The following NBAS variants were observed in gnomAD, a reference collection of about 807,000 sequenced individuals.
The protein encoded by NBAS is NAG/BC035112 fusion.
NBAS carries 219 observed loss-of-function variants against 302.5 expected under a neutral mutation model. The observed-to-expected ratio is 0.72, with a 90% confidence interval of 0.65 to 0.81. The LOEUF (loss-of-function observed/expected upper bound fraction) is 0.81, where lower values mean the gene tolerates loss of function less well. Ranked by LOEUF, NBAS falls within the 30% of genes least tolerant of loss-of-function variation. The probability of loss-of-function intolerance (pLI) is 0.00; values close to 1 mark genes in which losing one functional copy is unlikely to be tolerated. For missense variants in NBAS, 2,932 were observed against 2,841.6 expected, an observed-to-expected ratio of 1.03 and a Z score of -0.72; for synonymous variants, 1,118 against 1,021.6, an observed-to-expected ratio of 1.09 and a Z score of -1.80.
chr2:14,972,635 A>G, the NBAS span, among the ~76,000 whole-genome samples: 3 of 152,206 alleles, frequency 2.0e-5, no homozygotes, highest in Non-Finnish European at 4.4e-5. Flanking sequence ...ACGACTTTCT[A>G]AGGTCACCAA....
At chr2:15,440,275 A>G (rs1038494322) in intron 21 of NBAS, among the ~76,000 whole-genome samples, 7 of 152,192 alleles carry the variant, frequency 4.6e-5, no homozygotes, top group Non-Finnish European at 1.0e-4. Context: ...GGGCAGACTG[A>G]CACTTCACAC....
At chr2:15,302,480 ACT>A (rs1214864053) in intron 40 of NBAS, among the ~76,000 whole-genome samples, 2 of 151,964 alleles carry the variant, frequency 1.3e-5, no homozygotes, top group African/African-American at 4.8e-5. Context: ...TCAAGCAATG[ACT>A]CTGAACAGCG....
At chr2:14,793,992 A>C in the NBAS span, among the ~76,000 whole-genome samples, 154 of 152,318 alleles carry the variant, frequency 1.0e-3, no homozygotes, top group African/African-American at 3.4e-3. Flanking sequence ...AAACATTCTC[A>C]GATAAAGGAA....
the NBAS span, among the ~76,000 whole-genome samples, chr2:15,056,485 A>T: frequency 6.6e-6 from 1 of 152,270 alleles, no homozygotes; most frequent in Non-Finnish European, 1.5e-5. Flanking sequence ...ATGTGGACTC[A>T]TATGAGACTC....
chr2:15,374,321 C>CT (rs1287058459), intron 31 of NBAS, among the ~76,000 whole-genome samples: 1 of 152,078 alleles, frequency 6.6e-6, no homozygotes, highest in Non-Finnish European at 1.5e-5. Flanking sequence ...TCCCCAATAT[C>CT]TTTTTTTGTT....
chr2:15,150,546 G>A, the NBAS span, among the ~76,000 whole-genome samples: 12 of 152,272 alleles, frequency 7.9e-5, no homozygotes, highest in African/African-American at 2.6e-4. Context: ...TTGGACTCAC[G>A]GAGAGTCTGG....
chr2:14,938,330 C>A, the NBAS span, among the ~76,000 whole-genome samples: 4 of 151,968 alleles, frequency 2.6e-5, no homozygotes, highest in Non-Finnish European at 5.9e-5. Context: ...TTATAAATCA[C>A]CCCCATATTC....
chr2:15,356,047 A>T (rs375348138), intron 33 of NBAS, among the ~76,000 whole-genome samples: 3 of 152,256 alleles, frequency 2.0e-5, no homozygotes, highest in African/African-American at 7.2e-5. Flanking sequence ...AATTATTTTT[A>T]AATTACGAGC....
intron 21 of NBAS, among the ~76,000 whole-genome samples, chr2:15,440,464 A>C (rs1289801845): frequency 6.6e-6 from 1 of 152,216 alleles, no homozygotes; most frequent in East Asian, 1.9e-4. Context: ...TGTTAGAAGG[A>C]AAACTAACAA....
the NBAS span, among the ~76,000 whole-genome samples, chr2:15,031,930 T>C: frequency 2.0e-5 from 3 of 152,134 alleles, no homozygotes; most frequent in East Asian, 5.8e-4. Flanking sequence ...TGTAGAAGTG[T>C]AGAAGTGTGC....
chr2:14,838,235 A>G, the NBAS span, among the ~76,000 whole-genome samples: 6 of 151,848 alleles, frequency 4.0e-5, no homozygotes, highest in African/African-American at 1.4e-4. Context: ...TCTCATTCTA[A>G]AATGCTCTTT....
At chr2:14,962,095 C>T in the NBAS span, among the ~76,000 whole-genome samples, 1 of 152,084 alleles carries the variant, frequency 6.6e-6, no homozygotes. Flanking sequence ...TTTTCTATAT[C>T]GTCCCAAAAC....
At chr2:15,338,710 C>CACACAT (rs1454097551) in intron 35 of NBAS, among the ~76,000 whole-genome samples, 5 of 148,746 alleles carry the variant, frequency 3.4e-5, no homozygotes, top group South Asian at 4.2e-4. Flanking sequence ...CACACACACA[C>CACACAT]ATCAAATTAG....
chr2:15,355,487 C>T (rs761520876), intron 33 of NBAS, among the ~76,000 whole-genome samples: 3 of 152,110 alleles, frequency 2.0e-5, no homozygotes, highest in Non-Finnish European at 4.4e-5. Context: ...TTCTCAACAT[C>T]GGTTTGAAAA....
chr2:14,962,247 C>A, the NBAS span, among the ~76,000 whole-genome samples: 1 of 152,146 alleles, frequency 6.6e-6, no homozygotes, highest in Non-Finnish European at 1.5e-5. Flanking sequence ...CTGTCTGGGA[C>A]ATGGGAGATT....
chr2:15,105,683 C>T, the NBAS span, among the ~76,000 whole-genome samples: 1,709 of 152,134 alleles, frequency 0.011, 34 homozygotes, highest in African/African-American at 0.04. Context: ...AGGTCTCTAC[C>T]TTGTGTACTA....
chr2:15,147,775 G>A, the NBAS span, among the ~76,000 whole-genome samples: 14 of 151,984 alleles, frequency 9.2e-5, no homozygotes, highest in African/African-American at 1.7e-4. Context: ...TGCAAAATGC[G>A]TTGCTGGGAA....
At position 15,561,215 on chromosome 2, in the gene NBAS, G is replaced by A. The variant is rs544656523; in HGVS notation, c.90C>T (p.Thr30=). 3 of 1,613,886 alleles carry A rather than the reference G, an allele frequency of 1.9e-6. No individual in the cohort carries two copies. The highest frequency in any genetic ancestry group is 2.2e-5 in the South Asian group (2 of 91,070). The change falls in exon 1 of 52, where the codon ACC becomes ACT. Residue 30 remains threonine (T), a synonymous_variant. Transcript: ENST00000281513. ...GTACTTCAGTCTCCGGTGGCCACTC[G>A]GTGTTGACCAACAAGTCATAGAGAA... The part of the protein sequence containing the change: ...ETILYDLLVN[T]EWPPETEVQP...
At chr2:15,354,298 A>G (rs1262770804) in intron 33 of NBAS, among the ~76,000 whole-genome samples, 1 of 151,978 alleles carries the variant, frequency 6.6e-6, no homozygotes, top group East Asian at 1.9e-4. Flanking sequence ...TCACCCCCCA[A>G]CTCCCAGCAG....
Sources: allele counts gnomAD v4.1 joint callset (sites outside exome capture counted in the v4.1 genomes callset), GRCh38; gene constraint gnomAD v4.1.1; transcripts MANE v1.5; gene names NCBI Gene and HGNC (gene_info 2026-07-23, HGNC 2026-07-21).